Variants in ERGIC1 observed in about 807,000 individuals in gnomAD.
ERGIC1 encodes endoplasmic reticulum-Golgi intermediate compartment protein 1.
A neutral mutation model predicts 38.3 loss-of-function variants in ERGIC1; 19 were observed. The observed-to-expected ratio is 0.50, with a 90% CI of 0.35 to 0.73. The LOEUF is 0.73. ERGIC1 is among the 30% of genes least tolerant of loss of function. The probability of loss-of-function intolerance (pLI) is 0.01; values close to 1 mark genes in which losing one functional copy is unlikely to be tolerated. For missense variants in ERGIC1, 294 were observed against 389.2 expected, an observed-to-expected ratio of 0.76 and a Z score of 2.06; for synonymous variants, 124 against 157.6, an observed-to-expected ratio of 0.79 and a Z score of 1.60.
rs780215037 is a variant in ERGIC1, at chr5:172,925,380, G to A, written c.481-1129G>A. Reference sequence around the variant, plus strand: ...TGGGTTAGAAATGAAGCCTTCACACGGTCAGTCTCAAGACAGCAAATAGAC... The same window carrying A: ...TGGGTTAGAAATGAAGCCTTCACACAGTCAGTCTCAAGACAGCAAATAGAC... On this transcript the variant is annotated intron_variant, in intron 6 of 9. Transcript: ENST00000393784. 6.6e-5 allele frequency among the ~76,000 whole-genome samples: 10 copies of A among 152,286 alleles called. 1 individual carries two copies. The highest frequency in any genetic ancestry group is 2.0e-4 in the Admixed American group (3 of 15,296).
intron 1 of ERGIC1, among the ~76,000 whole-genome samples, chr5:172,886,634 G>A (rs1487752382): frequency 2.0e-5 from 3 of 152,188 alleles, no homozygotes; most frequent in Admixed American, 6.5e-5. Context: ...AAATATCCAC[G>A]TGGCATTTCT....
At chr5:172,866,308 C>G (rs924670680) in intron 1 of ERGIC1, among the ~76,000 whole-genome samples, 3 of 152,100 alleles carry the variant, frequency 2.0e-5, no homozygotes, top group African/African-American at 7.2e-5. Flanking sequence ...CCCTCAGCAG[C>G]CATGATCTGG....
At chr5:172,893,911 G>GTATATATATATATACACATATATATA (rs1581549097) in intron 2 of ERGIC1, among the ~76,000 whole-genome samples, 1 of 35,072 alleles carries the variant, frequency 2.9e-5, no homozygotes, top group African/African-American at 1.1e-4. Flanking sequence ...ATATATGTGT[G>GTATATATATATATACACATATATATA]TGTGTGTGTG....
intron 4 of ERGIC1, 141 bp downstream of exon 4, chr5:172,909,902 C>G: frequency 2.7e-6 from 2 of 737,434 alleles, no homozygotes; most frequent in Non-Finnish European, 4.7e-6. Context: ...AATATAATTG[C>G]GTATGCATGC....
intron 9 of ERGIC1, 122 bp from the exon 10 acceptor site, chr5:172,950,587 G>T: frequency 1.3e-6 from 1 of 793,788 alleles, no homozygotes; most frequent in Non-Finnish European, 2.0e-6. Context: ...TGGGTATTAT[G>T]GGCTTAACGG....
intron 2 of ERGIC1, among the ~76,000 whole-genome samples, chr5:172,893,937 A>G (rs201174882): frequency 0.082 from 3,485 of 42,328 alleles, 111 homozygotes; most frequent in Middle Eastern, 0.12. Context: ...GTGTGTGTGT[A>G]TATATATATA....
At chr5:172,879,213 G>T (rs1762221287) in intron 1 of ERGIC1, among the ~76,000 whole-genome samples, 2 of 152,246 alleles carry the variant, frequency 1.3e-5, no homozygotes, top group African/African-American at 4.8e-5. Flanking sequence ...GCTATGAAAA[G>T]AAATTACAGA....
chr5:172,859,595 G>A (rs768300247), intron 1 of ERGIC1, among the ~76,000 whole-genome samples: 2 of 152,222 alleles, frequency 1.3e-5, no homozygotes, highest in African/African-American at 4.8e-5. Flanking sequence ...GAGAGCTGCC[G>A]CAGGTGCCTG....
At chr5:172,864,907 C>G (rs1196841272) in intron 1 of ERGIC1, among the ~76,000 whole-genome samples, 2 of 152,122 alleles carry the variant, frequency 1.3e-5, no homozygotes, top group Non-Finnish European at 2.9e-5. Flanking sequence ...AGATTCCAGC[C>G]TGGGTCAGCC....
chr5:172,838,599 TA>T (rs978812272), intron 1 of ERGIC1, among the ~76,000 whole-genome samples: 1 of 151,804 alleles, frequency 6.6e-6, no homozygotes, highest in Non-Finnish European at 1.5e-5. Context: ...AATTCCTTTT[TA>T]AAAAAAAATT....
chr5:172,924,204 G>A lies in ERGIC1; in HGVS notation c.480+95G>A, dbSNP rs186622895. 51 of 1,212,098 alleles carry A rather than the reference G, an allele frequency of 4.2e-5. No individual in the cohort carries two copies. In the Admixed American group the frequency reaches 5.3e-4, roughly 13 times the overall value. The allele number at this position is 1,212,098 out of a possible 1,614,324, so 75.1% of individuals were successfully genotyped here. On this transcript the variant is annotated intron_variant, in intron 6 of 9. Transcript: ENST00000393784. ...CTGCCCTCTCTGGGCACTAGGAAGA[G>A]TTACCGTTAAGGTGACATCTAAGCC...
rs1581497910 is a variant in ERGIC1, at chr5:172,834,681, A to T, written c.20+248A>T. Among the ~76,000 whole-genome samples the T allele has an allele frequency of 9.2e-6, 1 of 108,462 alleles. No individual in the cohort carries two copies. Among genetic ancestry groups the T allele is most frequent in the Non-Finnish European group, 1.9e-5 (1 of 53,902 alleles). 71.2% of individuals were successfully genotyped at this position (108,462 alleles called of 152,430 possible). On this transcript the variant is annotated intron_variant, in intron 1 of 9. Transcript: ENST00000393784. The surrounding 1 kb of genome is among the most constrained non-coding windows in gnomAD (Gnocchi z 4.1). ...CTTCCCTCCGCCGAGCCCCCTCCCCAGCCTGCCCGGATACCTTGCATTCCC... is the reference window on the plus strand; with the variant it reads ...CTTCCCTCCGCCGAGCCCCCTCCCCTGCCTGCCCGGATACCTTGCATTCCC...
intron 9 of ERGIC1, among the ~76,000 whole-genome samples, chr5:172,938,994 C>T (rs188326922): frequency 9.2e-5 from 14 of 151,706 alleles, no homozygotes; most frequent in Non-Finnish European, 1.9e-4. Context: ...ACCTGGCAGA[C>T]AGAGGTTGCA....
At chr5:172,924,249 G>A (rs1763599317) in intron 6 of ERGIC1, 140 bp downstream of exon 6, 1 of 815,010 alleles carries the variant, frequency 1.2e-6, no homozygotes. Context: ...AGGGTAAGAA[G>A]GGTTTCACCA....
In ERGIC1 at chr5:172,950,865, C is replaced by A; in HGVS notation, c.*49C>A. Reference sequence around the variant, plus strand: ...AGGACCCTGGGCATCGCCAGCCTTGCCTCCAGTGCCCTGTCTCCTTTGGCC... The same window carrying A: ...AGGACCCTGGGCATCGCCAGCCTTGACTCCAGTGCCCTGTCTCCTTTGGCC... On this transcript the variant is annotated 3_prime_UTR_variant, in exon 10 of 10. Transcript: ENST00000393784. The A allele has an allele frequency of 6.6e-7, 1 of 1,509,718 alleles. No individual in the cohort carries two copies. The highest frequency in any genetic ancestry group is 9.1e-7 in the Non-Finnish European group (1 of 1,102,596). The allele number at this position is 1,509,718 out of a possible 1,614,324, so 93.5% of individuals were successfully genotyped here.
rs780660906 is a variant in ERGIC1, at chr5:172,888,665, C to T, written c.21-34C>T. The T allele has an allele frequency of 5.0e-6, 8 of 1,595,732 alleles. No individual in the cohort carries two copies. The Admixed American group carries it at 1.0e-4, about 20-fold the overall frequency. ...GCTGCCTTGAGACCCACCCTTTGTG[C>T]CCACCTCACTCCTGTTCCATTTGCT... On this transcript the variant is annotated intron_variant, in intron 1 of 9. Transcript: ENST00000393784.
intron 1 of ERGIC1, among the ~76,000 whole-genome samples, chr5:172,875,522 C>A (rs1762122386): frequency 6.6e-6 from 1 of 152,154 alleles, no homozygotes; most frequent in Non-Finnish European, 1.5e-5. Flanking sequence ...CACCCCATGC[C>A]ACAAAGGAGG....
intron 1 of ERGIC1, among the ~76,000 whole-genome samples, chr5:172,876,263 G>A (rs1299610330): frequency 6.6e-6 from 1 of 152,194 alleles, no homozygotes; most frequent in Non-Finnish European, 1.5e-5. Context: ...TTTCATCAGT[G>A]GATGCACAAA....
At chr5:172,905,473 C>T (rs774857727) in intron 3 of ERGIC1, 13 of 464,678 alleles carry the variant, frequency 2.8e-5, no homozygotes, top group African/African-American at 1.8e-4. Flanking sequence ...TTGGGCCATG[C>T]GGTGAGTGTT....
Sources: gnomAD v4.1 joint callset for allele counts (sites outside exome capture counted in the v4.1 genomes callset) on GRCh38, gnomAD v4.1.1 for gene constraint, Gnocchi (gnomAD v3.1) non-coding constraint, MANE v1.5 for transcripts, NCBI Gene and HGNC (gene_info 2026-07-23, HGNC 2026-07-21) for gene names.